Variants in SNX30 observed in about 807,000 individuals in gnomAD.
SNX30 encodes sorting nexin family member 30, also known as sorting nexin-30.
SNX30 carries 24 observed loss-of-function variants against 46.4 expected under a neutral mutation model. That is an observed-to-expected ratio of 0.52 (90% CI 0.37 to 0.73). The LOEUF (loss-of-function observed/expected upper bound fraction) is 0.73. Ranked by LOEUF, SNX30 falls within the 30% of genes least tolerant of loss-of-function variation. SNX30 has a pLI of 0.00. For missense variants in SNX30, 533 were observed against 555.7 expected, an observed-to-expected ratio of 0.96 and a Z score of 0.41; for synonymous variants, 189 against 211.5, an observed-to-expected ratio of 0.89 and a Z score of 0.92.
At chr9:112,768,538 T>C (rs962083690) in intron 1 of SNX30, among the ~76,000 whole-genome samples, 2 of 151,638 alleles carry the variant, frequency 1.3e-5, no homozygotes, top group Admixed American at 6.6e-5. Flanking sequence ...AAAGATCTCT[T>C]AGACAATACT....
intron 7 of SNX30, among the ~76,000 whole-genome samples, chr9:112,863,162 C>G (rs1267403008): frequency 2.0e-5 from 3 of 152,214 alleles, no homozygotes; most frequent in Non-Finnish European, 4.4e-5. Context: ...TGGCATCATT[C>G]TGGGTCAGCT....
chr9:112,857,379 A>C (rs1841151073), intron 7 of SNX30, among the ~76,000 whole-genome samples: 1 of 152,126 alleles, frequency 6.6e-6, no homozygotes, highest in African/African-American at 2.4e-5. Flanking sequence ...TTCACCTCAC[A>C]GCTCAAATAG....
intron 3 of SNX30, among the ~76,000 whole-genome samples, chr9:112,823,386 C>T (rs1436374743): frequency 6.6e-6 from 1 of 152,192 alleles, no homozygotes; most frequent in Non-Finnish European, 1.5e-5. Flanking sequence ...CATTGAACAA[C>T]TCCCCATTTC....
chr9:112,852,061 AC>A (rs1841036211), intron 7 of SNX30, among the ~76,000 whole-genome samples: 1 of 152,162 alleles, frequency 6.6e-6, no homozygotes, highest in Non-Finnish European at 1.5e-5. Context: ...AGCAGATGGC[AC>A]CATGTTCCAG....
intron 4 of SNX30, among the ~76,000 whole-genome samples, chr9:112,835,887 G>C (rs1404951857): frequency 6.6e-6 from 1 of 152,070 alleles, no homozygotes; most frequent in Non-Finnish European, 1.5e-5. Flanking sequence ...AGGGTACTTT[G>C]TATGGGAGAA....
chr9:112,765,717 T>G (rs938111778), intron 1 of SNX30, among the ~76,000 whole-genome samples: 15 of 152,252 alleles, frequency 9.9e-5, no homozygotes, highest in African/African-American at 3.6e-4. Flanking sequence ...ACTTAAATAT[T>G]GTGAAATGAT....
At chr9:112,841,976 C>T (rs1393784290) in intron 6 of SNX30, among the ~76,000 whole-genome samples, 2 of 152,158 alleles carry the variant, frequency 1.3e-5, no homozygotes, top group African/African-American at 2.4e-5. Context: ...TGGACTCTTG[C>T]TCTGTCGCCC....
chr9:112,750,193 A>G (rs977590101), upstream of SNX30, among the ~76,000 whole-genome samples: 1 of 152,236 alleles, frequency 6.6e-6, no homozygotes, highest in African/African-American at 2.4e-5. Context: ...AATCCAGCTC[A>G]GCTGCAGAAG....
intron 6 of SNX30, among the ~76,000 whole-genome samples, chr9:112,850,377 T>A (rs1841003195): frequency 6.6e-6 from 1 of 152,248 alleles, no homozygotes. Context: ...AGTAAGTGGC[T>A]AATGAATGAA....
intron 1 of SNX30, among the ~76,000 whole-genome samples, chr9:112,757,913 C>G (rs547018052): frequency 5.3e-5 from 8 of 152,280 alleles, no homozygotes; most frequent in African/African-American, 1.9e-4. Flanking sequence ...AATGTAAGTT[C>G]ACAGGTTTCA....
intron 1 of SNX30, among the ~76,000 whole-genome samples, chr9:112,770,476 T>A (rs1372591928): frequency 6.6e-6 from 1 of 151,744 alleles, no homozygotes; most frequent in Non-Finnish European, 1.5e-5. Flanking sequence ...TGGCCTCTTT[T>A]TTGCTTTTGC....
chr9:112,863,498 A>G (rs928251181), intron 7 of SNX30, among the ~76,000 whole-genome samples: 5 of 152,248 alleles, frequency 3.3e-5, no homozygotes, highest in African/African-American at 1.2e-4. Flanking sequence ...GTGAAACTTC[A>G]AGTGACATAG....
At chr9:112,867,931 T>C (rs1285700862) in intron 8 of SNX30, among the ~76,000 whole-genome samples, 1 of 152,224 alleles carries the variant, frequency 6.6e-6, no homozygotes, top group African/African-American at 2.4e-5. Flanking sequence ...CAAGAGACTT[T>C]CCAAAGGGCG....
chr9:112,806,285 T>C (rs903634856), intron 2 of SNX30, among the ~76,000 whole-genome samples: 1 of 152,146 alleles, frequency 6.6e-6, no homozygotes, highest in African/African-American at 2.4e-5. Context: ...AGAGGAAGAA[T>C]GACAATATTG....
At chr9:112,819,266 C>T (rs201955986) in intron 3 of SNX30, among the ~76,000 whole-genome samples, 23 of 116,986 alleles carry the variant, frequency 2.0e-4, no homozygotes, top group East Asian at 2.5e-4. Flanking sequence ...TTCTTTCTTT[C>T]TTTTTTTTTT....
chr9:112,785,133 G>T (rs1227208028), intron 1 of SNX30, among the ~76,000 whole-genome samples: 1 of 152,116 alleles, frequency 6.6e-6, no homozygotes, highest in Non-Finnish European at 1.5e-5. Flanking sequence ...CACTCTTTCT[G>T]CCATCTCATA....
chr9:112,865,645 ATATATATATATATATATG>A lies in SNX30; in HGVS notation c.1254+1250_1254+1267del, dbSNP rs1479493733. Among the ~76,000 whole-genome samples, 17 of 84,368 alleles carry A rather than the reference ATATATATATATATATATG, an allele frequency of 2.0e-4. 1 individual carries two copies. The South Asian group carries it at 2.0e-3, about 10-fold the overall frequency. The allele number at this position is 84,368 out of a possible 152,430, so 55.3% of individuals were successfully genotyped here. On this transcript the variant is annotated intron_variant, in intron 8 of 8. Transcript: ENST00000374232. Reference sequence around the variant, plus strand: ...ACGCCATATATATATATATATATATATATATATATATATATATGTATGTATGTATGCACACACACACAC... The same window carrying A: ...ACGCCATATATATATATATATATATATATGTATGTATGCACACACACACAC...
At chr9:112,860,271 G>A (rs568854644) in intron 7 of SNX30, among the ~76,000 whole-genome samples, 5 of 152,320 alleles carry the variant, frequency 3.3e-5, no homozygotes, top group African/African-American at 9.6e-5. Context: ...TTGGAGATAC[G>A]TTTAAGTCCT....
chr9:112,854,091 G>A (rs1478895303), intron 7 of SNX30, among the ~76,000 whole-genome samples: 6 of 152,246 alleles, frequency 3.9e-5, no homozygotes, highest in Non-Finnish European at 7.3e-5. Context: ...GGCTGATGCT[G>A]TCATTTAATA....
Sources: gnomAD v4.1 joint callset for allele counts (sites outside exome capture counted in the v4.1 genomes callset) on GRCh38, gnomAD v4.1.1 for gene constraint, MANE v1.5 for transcripts, NCBI Gene and HGNC (gene_info 2026-07-23, HGNC 2026-07-21) for gene names.